Variants in RAP1A observed in about 807,000 individuals in gnomAD.
The protein encoded by RAP1A is RAP1A, member of RAS oncogene family, also known as ras-related protein Rap-1A.
RAP1A carries 6 observed loss-of-function variants against 26.4 expected under a neutral mutation model. The ratio of observed to expected loss-of-function variants is 0.23; its 90% CI spans 0.12 to 0.45. RAP1A has a LOEUF of 0.45. Ranked by LOEUF, RAP1A falls within the 20% of genes least tolerant of loss-of-function variation. The probability of loss-of-function intolerance (pLI) is 0.99; values close to 1 mark genes in which losing one functional copy is unlikely to be tolerated. For missense variants in RAP1A, 121 were observed against 217.2 expected (o/e 0.56, Z 2.78); for synonymous variants, 73 against 79.4 (o/e 0.92, Z 0.43).
intron 1 of RAP1A, among the ~76,000 whole-genome samples, chr1:111,559,422 T>C (rs1440528409): frequency 6.6e-6 from 1 of 152,148 alleles, no homozygotes; most frequent in East Asian, 1.9e-4. Context: ...ACTTAGTGCC[T>C]CCAAAACCAA....
chr1:111,704,824 A>G (rs1811842), intron 6 of RAP1A, among the ~76,000 whole-genome samples: 129,430 of 152,190 alleles, frequency 0.85, 55,143 homozygotes, highest in East Asian at 1. Context: ...ACCCAAATGT[A>G]TATAAATAGG....
Position 111,584,565 on chromosome 1 carries a change from C to T in RAP1A, c.-28+42056C>T, listed in dbSNP as rs2789548. 8.8e-3 allele frequency among the ~76,000 whole-genome samples: 1,338 copies of T among 152,118 alleles called. 19 individuals carry two copies. The highest frequency in any genetic ancestry group is 0.03 in the African/African-American group (1,234 of 41,490). The stretch of plus-strand genomic sequence containing the variant: ...TGAGTTAATCACTTCCCAAAGGTAC[C>T]GCCTCTTAATACTATTACACTGAGT... On this transcript the variant is annotated intron_variant, in intron 1 of 7. Transcript: ENST00000356415.
intron 1 of RAP1A, among the ~76,000 whole-genome samples, chr1:111,620,787 A>G (rs915979218): frequency 1.3e-5 from 2 of 152,130 alleles, no homozygotes; most frequent in African/African-American, 4.8e-5. Flanking sequence ...GCGGCTTGGT[A>G]AGAGTATCTC....
Position 111,691,425 on chromosome 1 carries a change from A to G in RAP1A, c.57+8A>G. 3 of 1,605,730 alleles carry G rather than the reference A, an allele frequency of 1.9e-6. No individual in the cohort carries two copies. Among genetic ancestry groups the G allele is most frequent in the Non-Finnish European group, 2.6e-6 (3 of 1,172,412 alleles). On this transcript the variant is annotated splice_region_variant and intron_variant, in intron 2 of 7. Transcript: ENST00000369709. ...GTTGGGAAGTCTGCTCTGGTAAGTT[A>G]GCCACCTAACTGTAACTGATTAATA...
At chr1:111,593,851 A>C (rs1658515531) in intron 1 of RAP1A, among the ~76,000 whole-genome samples, 1 of 151,844 alleles carries the variant, frequency 6.6e-6, no homozygotes, top group African/African-American at 2.4e-5. Flanking sequence ...TTCATTCAGG[A>C]CTGTTAATGT....
At chr1:111,605,178 T>C (rs997991003) in intron 1 of RAP1A, among the ~76,000 whole-genome samples, 3 of 152,208 alleles carry the variant, frequency 2.0e-5, no homozygotes, top group African/African-American at 7.2e-5. Flanking sequence ...GAAGGTAGTT[T>C]CCACATTTTT....
At chr1:111,576,277 G>A (rs930764634) in intron 1 of RAP1A, among the ~76,000 whole-genome samples, 2 of 152,174 alleles carry the variant, frequency 1.3e-5, no homozygotes, top group African/African-American at 4.8e-5. Flanking sequence ...CCTAAGGAGA[G>A]TTATAAACCC....
At chr1:111,617,040 ATGCGCATGTGTGTGTGTT>A (rs1323599926), upstream of RAP1A, among the ~76,000 whole-genome samples, 7 of 152,052 alleles carry the variant, frequency 4.6e-5, no homozygotes, top group East Asian at 1.9e-4. Flanking sequence ...ATGTGTGTGT[ATGCGCATGTGTGTGTGTT>A]TGCGCATGTG....
intron 4 of RAP1A, among the ~76,000 whole-genome samples, chr1:111,700,051 C>T (rs1396375075): frequency 6.6e-6 from 1 of 152,148 alleles, no homozygotes; most frequent in Non-Finnish European, 1.5e-5. Context: ...CCTAAGTCTC[C>T]TTTCCTAATT....
intron 1 of RAP1A, among the ~76,000 whole-genome samples, chr1:111,548,679 G>A (rs1188164532): frequency 1.3e-5 from 2 of 152,124 alleles, no homozygotes. Flanking sequence ...AAATGGATGT[G>A]GATGGTCTGC....
intron 1 of RAP1A, among the ~76,000 whole-genome samples, chr1:111,544,109 A>C (rs1656949794): frequency 6.6e-6 from 1 of 152,230 alleles, no homozygotes; most frequent in African/African-American, 2.4e-5. Context: ...CTAAAATAGC[A>C]GGCTCCCTTT....
chr1:111,650,706 A>G (rs962947956), intron 1 of RAP1A, among the ~76,000 whole-genome samples: 12 of 152,358 alleles, frequency 7.9e-5, no homozygotes, highest in Non-Finnish European at 1.6e-4. Flanking sequence ...CTTATTATGC[A>G]GAGTCCATAG....
intron 1 of RAP1A, among the ~76,000 whole-genome samples, chr1:111,679,404 A>G (rs1289009243): frequency 1.3e-5 from 2 of 152,232 alleles, no homozygotes; most frequent in East Asian, 3.9e-4. Flanking sequence ...GCAGACCAGG[A>G]GATTCCATTG....
chr1:111,574,396 C>G (rs573473134), intron 1 of RAP1A, among the ~76,000 whole-genome samples: 25 of 152,306 alleles, frequency 1.6e-4, no homozygotes, highest in African/African-American at 6.0e-4. Context: ...AGCAGGATGC[C>G]TCCAGCTTCA....
In RAP1A at chr1:111,697,894, C is replaced by G. The variant is rs539133120; in HGVS notation, c.183+397C>G. Among the ~76,000 whole-genome samples, 37 of 152,136 alleles carry G rather than the reference C, an allele frequency of 2.4e-4. 1 individual carries two copies. In the South Asian group the frequency reaches 7.5e-3, roughly 31 times the overall value. On this transcript the variant is annotated intron_variant, in intron 4 of 7. Coordinates refer to ENST00000369709, the MANE Select transcript of RAP1A (RefSeq NM_002884.4). ...ACTAGCATTTTGACATCTCAAGGGG[C>G]TGGTGACAGATACATGTTTTCTGAG...
intron 1 of RAP1A, among the ~76,000 whole-genome samples, chr1:111,667,443 G>C (rs976580985): frequency 7.2e-5 from 11 of 152,130 alleles, no homozygotes; most frequent in African/African-American, 2.7e-4. Flanking sequence ...TCAGCACTTT[G>C]GGAGGCCGAG....
At chr1:111,669,668 C>A (rs767645862) in intron 1 of RAP1A, among the ~76,000 whole-genome samples, 6 of 152,238 alleles carry the variant, frequency 3.9e-5, no homozygotes, top group Admixed American at 6.5e-5. Flanking sequence ...CTTAACTAAT[C>A]CAAGAAGAGC....
chr1:111,709,038 A>C (rs758280800), intron 6 of RAP1A, 111 bp from the exon 7 acceptor site: 7 of 1,345,316 alleles, frequency 5.2e-6, no homozygotes, highest in Non-Finnish European at 6.8e-6. Context: ...ACTTTAAAAG[A>C]AAGAAGCAGA....
chr1:111,625,783 T>TTTTTTC (rs1229668494), intron 1 of RAP1A, among the ~76,000 whole-genome samples: 1 of 152,152 alleles, frequency 6.6e-6, no homozygotes, highest in Non-Finnish European at 1.5e-5. Context: ...CTTCCTCTTC[T>TTTTTTC]TTTTTCTTTT....
Sources: allele counts gnomAD v4.1 joint callset (sites outside exome capture counted in the v4.1 genomes callset), GRCh38; gene constraint gnomAD v4.1.1; transcripts MANE v1.5; gene names NCBI Gene and HGNC (gene_info 2026-07-23, HGNC 2026-07-21).